The following SPMAP2 variants were observed in gnomAD, a reference collection of about 807,000 sequenced individuals.
SPMAP2 encodes sperm microtubule associated protein 2, also known as Theg homolog.
At chr19:364,163 C>G in the SPMAP2 span, among the ~76,000 whole-genome samples, 1 of 149,626 alleles carries the variant, frequency 6.7e-6, no homozygotes, top group Non-Finnish European at 1.5e-5. Context: ...GAAATCCCAT[C>G]TCTACTAAAA....
chr19:367,234 G>T, the SPMAP2 span: 1 of 1,586,366 alleles, frequency 6.3e-7, no homozygotes, highest in Non-Finnish European at 8.6e-7. Flanking sequence ...CCTGGAAAGA[G>T]AAATAGAGAG....
At chr19:364,364 A>T in the SPMAP2 span, among the ~76,000 whole-genome samples, 1 of 151,494 alleles carries the variant, frequency 6.6e-6, no homozygotes, top group African/African-American at 2.4e-5. Context: ...AAAGAAAGAA[A>T]AAAAAAGAAA....
At chr19:376,012 C>A in the SPMAP2 span, 1 of 1,381,160 alleles carries the variant, frequency 7.2e-7, no homozygotes, top group Admixed American at 2.9e-5. Context: ...ACTCTCCCGG[C>A]ACCCAAATGT....
chr19:369,573 G>A, the SPMAP2 span, among the ~76,000 whole-genome samples: 1 of 152,202 alleles, frequency 6.6e-6, no homozygotes, highest in Non-Finnish European at 1.5e-5. Flanking sequence ...CCCACCCGGA[G>A]AATGCAAGAT....
chr19:376,010 G>A, the SPMAP2 span: 678 of 1,382,380 alleles, frequency 4.9e-4, no homozygotes, highest in Middle Eastern at 8.3e-4. Context: ...TCACTCTCCC[G>A]GCACCCAAAT....
chr19:368,076 C>A, the SPMAP2 span, among the ~76,000 whole-genome samples: 1 of 152,106 alleles, frequency 6.6e-6, no homozygotes, highest in Non-Finnish European at 1.5e-5. This position sits in a 1 kb window ranked among gnomAD's most constrained non-coding sequence, Gnocchi z 4.1. Context: ...CAAATCAATT[C>A]TCAGCAGTGG....
the SPMAP2 span, among the ~76,000 whole-genome samples, chr19:375,445 G>A: frequency 8.9e-4 from 136 of 152,320 alleles, no homozygotes; most frequent in South Asian, 3.5e-3. Context: ...AGCGTCTGCT[G>A]GTGTCTGCCT....
the SPMAP2 span, among the ~76,000 whole-genome samples, chr19:367,963 C>T: frequency 1.3e-5 from 2 of 152,142 alleles, no homozygotes; most frequent in Non-Finnish European, 2.9e-5. Context: ...CCACGAAACA[C>T]GACCTAGGGG....
At chr19:375,539 G>T in the SPMAP2 span, 1 of 1,094,364 alleles carries the variant, frequency 9.1e-7, no homozygotes, top group Non-Finnish European at 1.3e-6. Flanking sequence ...CTCGGGAGCA[G>T]CGAGCCAGGC....
chr19:368,287 C>T, the SPMAP2 span, among the ~76,000 whole-genome samples: 1 of 152,156 alleles, frequency 6.6e-6, no homozygotes, highest in Non-Finnish European at 1.5e-5. The surrounding 1 kb of genome is among the most constrained non-coding windows in gnomAD (Gnocchi z 4.1). Flanking sequence ...CTCAGACACC[C>T]TTAAACTGGA....
chr19:362,298 G>T, the SPMAP2 span: 1 of 1,607,614 alleles, frequency 6.2e-7, no homozygotes, highest in Non-Finnish European at 8.5e-7. Context: ...CCCTCGTTGA[G>T]GCCCTTGCGC....
At chr19:363,815 G>A in the SPMAP2 span, among the ~76,000 whole-genome samples, 2 of 151,996 alleles carry the variant, frequency 1.3e-5, no homozygotes, top group African/African-American at 2.4e-5. Context: ...GATTACAGGT[G>A]TGGGCCACCG....
chr19:369,643 A>G, the SPMAP2 span, among the ~76,000 whole-genome samples: 1 of 152,140 alleles, frequency 6.6e-6, no homozygotes, highest in Non-Finnish European at 1.5e-5. Context: ...GCTTTGTGTG[A>G]GCAATAAAAG....
the SPMAP2 span, chr19:373,323 T>C: frequency 1.4e-6 from 1 of 736,676 alleles, no homozygotes; most frequent in Non-Finnish European, 2.3e-6. Context: ...CAGCTCTAGC[T>C]CCTCAGGGGA....
the SPMAP2 span, chr19:362,336 C>T: frequency 5.1e-5 from 82 of 1,610,566 alleles, no homozygotes; most frequent in East Asian, 8.5e-4. Flanking sequence ...GGAGATGATC[C>T]GGGGGCTGGC....
At chr19:371,003 C>T in the SPMAP2 span, among the ~76,000 whole-genome samples, 1 of 152,290 alleles carries the variant, frequency 6.6e-6, no homozygotes, top group Admixed American at 6.5e-5. Context: ...GGGATCCACC[C>T]GGACTGAAGC....
the SPMAP2 span, among the ~76,000 whole-genome samples, chr19:374,801 C>T: frequency 6.6e-6 from 1 of 152,264 alleles, no homozygotes; most frequent in Non-Finnish European, 1.5e-5. Context: ...GAGGGGCAAC[C>T]ACCCTCTAAA....
the SPMAP2 span, chr19:373,456 C>G: frequency 3.9e-5 from 63 of 1,612,804 alleles, no homozygotes; most frequent in Non-Finnish European, 5.3e-5. Context: ...TCAGCAGGCA[C>G]GGGCTCCACC....
the SPMAP2 span, among the ~76,000 whole-genome samples, chr19:363,473 G>A: frequency 3.9e-5 from 6 of 151,920 alleles, no homozygotes; most frequent in Admixed American, 6.6e-5. Context: ...CATTACAGGC[G>A]TGAGCCACTG....
Sources: gnomAD v4.1 joint callset for allele counts (sites outside exome capture counted in the v4.1 genomes callset) on GRCh38, gnomAD v4.1.1 for gene constraint, Gnocchi (gnomAD v3.1) non-coding constraint, MANE v1.5 for transcripts, NCBI Gene and HGNC (gene_info 2026-07-23, HGNC 2026-07-21) for gene names.